The following CSMD1 variants were observed in gnomAD, a reference collection of about 807,000 sequenced individuals.
CSMD1 encodes the protein CUB and Sushi multiple domains 1, also known as CUB and sushi domain-containing protein 1.
A neutral mutation model predicts 417.5 loss-of-function variants in CSMD1; 213 were observed. The observed-to-expected ratio is 0.51, with a 90% confidence interval of 0.46 to 0.57. The LOEUF is 0.57. Ranked by LOEUF, CSMD1 falls within the 20% of genes least tolerant of loss-of-function variation. The pLI, the probability that CSMD1 is intolerant of heterozygous loss-of-function variation, is 0.00. For synonymous variants in CSMD1, 2,862 were observed against 1,736.8 expected, an observed-to-expected ratio of 1.65 and a Z score of -16.11; for missense variants, 6,923 against 4,529.7, an observed-to-expected ratio of 1.53 and a Z score of -15.17.
At position 3,188,913 on chromosome 8, in the gene CSMD1, T is replaced by C. The variant is rs1796251129; in HGVS notation, c.5497A>G (p.Ile1833Val). The C allele has an allele frequency of 2.5e-6, 4 of 1,597,476 alleles. No homozygotes were observed. The highest frequency in any genetic ancestry group is 2.3e-5 in the South Asian group (2 of 87,972). ...GNNLNCIWKI[I>V]VTEGSGIQIQ... ...TGAATTCCCGAGCCCTCCGTAACTA[T>C]GATCTTCCATATACAGTTCAAGTTG... Residue 1833 changes from isoleucine to valine, a missense_variant, in exon 35 of 70, where the codon ATA becomes GTA. Transcript: ENST00000635120.
chr8:4,014,551 T>G (rs925329319), intron 4 of CSMD1, among the ~76,000 whole-genome samples: 11 of 152,204 alleles, frequency 7.2e-5, no homozygotes, highest in African/African-American at 2.4e-4. Context: ...TAGCCGTTAT[T>G]GGTATTAAGC....
intron 26 of CSMD1, among the ~76,000 whole-genome samples, chr8:3,243,147 G>A (rs957717664): frequency 1.3e-5 from 2 of 152,148 alleles, no homozygotes; most frequent in Non-Finnish European, 2.9e-5. Flanking sequence ...GAGGGAGGTT[G>A]GAGAAGAGAG....
At position 3,087,285 on chromosome 8, in the gene CSMD1, G is replaced by A. The variant is rs1398596709; in HGVS notation, c.7286C>T (p.Ala2429Val). Residue 2429 changes from alanine to valine, a missense_variant and splice_region_variant, in exon 49 of 70, where the codon GCA becomes GTA. By Grantham distance (64) the Ala-to-Val change is moderately conservative. Transcript: ENST00000635120. ...SKKGFKIRYA[A>V]PYCSLTHPLK... ...GGGGTGGGTCAAACTGCAGTAAGGT[G>A]CTGTGGGCAGACAGACACACACAGA... 1 of 1,613,204 alleles carries A rather than the reference G, an allele frequency of 6.2e-7. No individual in the cohort carries two copies. Among genetic ancestry groups the A allele is most frequent in the South Asian group, 1.1e-5 (1 of 91,054 alleles).
chr8:4,357,963 T>A (rs1422161381), intron 3 of CSMD1, among the ~76,000 whole-genome samples: 1 of 152,154 alleles, frequency 6.6e-6, no homozygotes, highest in Non-Finnish European at 1.5e-5. Context: ...AATGCCTGAA[T>A]GAGACTCAGT....
At chr8:3,979,162 C>T (rs753194344) in intron 5 of CSMD1, among the ~76,000 whole-genome samples, 9 of 152,228 alleles carry the variant, frequency 5.9e-5, no homozygotes, top group African/African-American at 2.2e-4. Flanking sequence ...CATTTTACAA[C>T]ACCTGTGAGA....
intron 23 of CSMD1, among the ~76,000 whole-genome samples, chr8:3,313,256 A>G (rs1805492627): frequency 6.6e-6 from 1 of 152,224 alleles, no homozygotes; most frequent in South Asian, 2.1e-4. Context: ...AACAAAACCC[A>G]AAATTGACAA....
chr8:4,487,435 G>A (rs185423559), intron 2 of CSMD1, among the ~76,000 whole-genome samples: 183 of 152,176 alleles, frequency 1.2e-3, no homozygotes, highest in African/African-American at 4.1e-3. Flanking sequence ...TCGTTCTTGC[G>A]ATACATTACT....
At chr8:3,275,096 C>A (rs1199191981) in intron 26 of CSMD1, among the ~76,000 whole-genome samples, 1 of 152,076 alleles carries the variant, frequency 6.6e-6, no homozygotes, top group Non-Finnish European at 1.5e-5. Context: ...TTAGCGCTTC[C>A]TTCAGGAGCT....
intron 3 of CSMD1, among the ~76,000 whole-genome samples, chr8:4,247,133 C>A (rs188554381): frequency 7.6e-4 from 116 of 152,350 alleles, no homozygotes; most frequent in Non-Finnish European, 1.4e-3. Flanking sequence ...GGAAATCACA[C>A]CGTCCTCAAT....
intron 26 of CSMD1, among the ~76,000 whole-genome samples, chr8:3,237,564 TATAA>T (rs911301064): frequency 5.0e-5 from 7 of 140,030 alleles, no homozygotes; most frequent in African/African-American, 1.8e-4. Flanking sequence ...CAACTTTGCA[TATAA>T]ATATAATTTT....
At chr8:4,493,002 C>T (rs569916924) in intron 2 of CSMD1, among the ~76,000 whole-genome samples, 1 of 152,146 alleles carries the variant, frequency 6.6e-6, no homozygotes, top group South Asian at 2.1e-4. Context: ...ATCTGAAGAT[C>T]AAGGTTGTGT....
At chr8:3,618,130 TA>T (rs1563203602) in intron 7 of CSMD1, among the ~76,000 whole-genome samples, 2 of 151,960 alleles carry the variant, frequency 1.3e-5, no homozygotes, top group Non-Finnish European at 2.9e-5. Flanking sequence ...GCCTCCCTAA[TA>T]GCTGGTAACA....
Position 4,682,256 on chromosome 8 carries a change from C to CT in CSMD1, c.86-44699dup, listed in dbSNP as rs545489972. Reference sequence around the variant, plus strand: ...TGTTGCCCAGGCTGGTCTCAAACTCCTGGGGCTAAAGCAATCCACCTGCCT... The same window carrying CT: ...TGTTGCCCAGGCTGGTCTCAAACTCCTTGGGGCTAAAGCAATCCACCTGCCT... On this transcript the variant is annotated intron_variant, in intron 1 of 69. Coordinates refer to ENST00000635120, the MANE Select transcript of CSMD1 (RefSeq NM_033225.6). 5.6e-4 allele frequency among the ~76,000 whole-genome samples: 85 copies of CT among 152,236 alleles called. 1 individual carries two copies. The highest frequency in any genetic ancestry group is 1.1e-3 in the Admixed American group (17 of 15,292).
Position 4,479,776 on chromosome 8 carries a change from G to A in CSMD1, c.303-59711C>T, listed in dbSNP as rs1044331760. 3.3e-5 allele frequency among the ~76,000 whole-genome samples: 5 copies of A among 151,690 alleles called. No individual in the cohort carries two copies. In the East Asian group the frequency reaches 9.8e-4, roughly 30 times the overall value. ...TCCTTAGAAGCTAATTCTCTACTGA[G>A]AATTAGAGAAACCCCGTTCTCTACT... On this transcript the variant is annotated intron_variant, in intron 2 of 69. Coordinates refer to ENST00000635120, the MANE Select transcript of CSMD1 (RefSeq NM_033225.6).
intron 5 of CSMD1, among the ~76,000 whole-genome samples, chr8:3,854,900 C>T (rs1365598320): frequency 1.3e-5 from 2 of 152,118 alleles, no homozygotes; most frequent in African/African-American, 4.8e-5. Flanking sequence ...TTACAATTCA[C>T]TCGCAAAGCA....
chr8:3,356,912 T>A (rs916697572), intron 21 of CSMD1, among the ~76,000 whole-genome samples: 3 of 152,058 alleles, frequency 2.0e-5, no homozygotes, highest in Admixed American at 2.0e-4. Flanking sequence ...CTGACCAGGC[T>A]CTGTTACACT....
chr8:3,356,694 C>A (rs1215758572), intron 21 of CSMD1, among the ~76,000 whole-genome samples: 1 of 147,662 alleles, frequency 6.8e-6, no homozygotes, highest in Non-Finnish European at 1.5e-5. Context: ...ACAACAACAA[C>A]AAAAAAACGT....
intron 5 of CSMD1, among the ~76,000 whole-genome samples, chr8:3,864,353 C>T (rs966087986): frequency 1.8e-4 from 20 of 112,542 alleles, no homozygotes; most frequent in African/African-American, 1.0e-3. Flanking sequence ...GCATAGATAA[C>T]CACAGAAGGG....
intron 2 of CSMD1, among the ~76,000 whole-genome samples, chr8:4,484,213 A>C (rs972223393): frequency 9.2e-5 from 14 of 152,084 alleles, no homozygotes; most frequent in African/African-American, 2.9e-4. Context: ...AAAAAAAAAA[A>C]AAACCTTGCT....
Sources: gnomAD v4.1 joint callset for allele counts (sites outside exome capture counted in the v4.1 genomes callset) on GRCh38, gnomAD v4.1.1 for gene constraint, MANE v1.5 for transcripts, NCBI Gene and HGNC (gene_info 2026-07-23, HGNC 2026-07-21) for gene names.